KRTDAP: variants seen among roughly 807,000 people sequenced by gnomAD.
The protein encoded by KRTDAP is keratinocyte differentiation associated protein, also known as keratinocyte differentiation-associated protein.
In KRTDAP, 14 loss-of-function variants were observed where a neutral mutation model predicts 18.6. The ratio of observed to expected loss-of-function variants is 0.75; its 90% confidence interval spans 0.50 to 1.18. The LOEUF (loss-of-function observed/expected upper bound fraction) is 1.18, where lower values mean the gene tolerates loss of function less well. KRTDAP is among the 50% of genes most tolerant of loss of function. The pLI, the probability that KRTDAP is intolerant of heterozygous loss-of-function variation, is 0.00. For missense variants in KRTDAP, 114 were observed against 121.3 expected, an observed-to-expected ratio of 0.94 and a Z score of 0.28; for synonymous variants, 53 against 49.5, an observed-to-expected ratio of 1.07 and a Z score of -0.29.
At chr19:35,487,670 T>C (rs758549648) in intron 5 of KRTDAP, 42 bp downstream of exon 5, 10 of 1,542,476 alleles carry the variant, frequency 6.5e-6, no homozygotes, top group Non-Finnish European at 9.0e-6. Flanking sequence ...CTTCTTCCCT[T>C]ACCCCCAAGC....
intron 5 of KRTDAP, 90 bp from the exon 6 acceptor site, chr19:35,487,556 G>A (rs17638216): frequency 0.2 from 260,033 of 1,289,704 alleles, 28,776 homozygotes; most frequent in Non-Finnish European, 0.23. Flanking sequence ...GCCTCGGTGT[G>A]AGTTCCCGTT....
rs369849415 is a variant in KRTDAP, at chr19:35,488,686, G to A, written c.144C>T (p.Phe48=). 9.7e-5 allele frequency: 157 copies of A among 1,614,094 alleles called. No individual in the cohort carries two copies. The highest frequency in any genetic ancestry group is 1.6e-4 in the Middle Eastern group (1 of 6,084). Reference sequence around the variant, plus strand: ...CAGATCGCAATTTGTCGATGTTCAGGAACGGGGTGTTAAAGGCCTAGGCAG... The same window carrying A: ...CAGATCGCAATTTGTCGATGTTCAGAAACGGGGTGTTAAAGGCCTAGGCAG... ...ASRPEAFNTP[F]LNIDKLRSAF... Residue 48 remains phenylalanine, a synonymous_variant, in exon 3 of 6, where the codon TTC becomes TTT. Transcript: ENST00000338897.
Position 35,487,338 on chromosome 19 carries a change from T to G in KRTDAP, c.*90A>C. 2.4e-6 allele frequency: 3 copies of G among 1,228,544 alleles called. No homozygotes were observed. Among genetic ancestry groups the G allele is most frequent in the East Asian group, 4.6e-5 (2 of 43,136 alleles). 76.1% of individuals were successfully genotyped at this position (1,228,544 alleles called of 1,614,324 possible). A position where few individuals can be genotyped will look rare whatever the true frequency, so the allele number is the denominator to read the frequency against. The stretch of plus-strand genomic sequence containing the variant: ...GATACAGGAGCTGTTGGATGGAAAA[T>G]GTTTTATTGGAGTTCCTGAGGCAGG... On this transcript the variant is annotated 3_prime_UTR_variant, in exon 6 of 6. Coordinates refer to ENST00000338897, the MANE Select transcript of KRTDAP (RefSeq NM_207392.3).
intron 1 of KRTDAP, among the ~76,000 whole-genome samples, chr19:35,489,738 G>A (rs1299501624): frequency 6.6e-6 from 1 of 152,140 alleles, no homozygotes; most frequent in African/African-American, 2.4e-5. Flanking sequence ...GGATGGTAAA[G>A]ATTCTCACTG....
rs754363187 is a variant in KRTDAP at position 35,488,477 on chromosome 19, C to T, written c.177G>A (p.Lys59=). 2 of 1,613,430 alleles carry T rather than the reference C, an allele frequency of 1.2e-6. No individual in the cohort carries two copies. The highest frequency in any genetic ancestry group is 1.3e-5 in the African/African-American group (1 of 74,928). ...CGTGCCAGTTCAGGAACTCATCAGCCTTAAACGCCTGAGGAGGAAGAGAGA... is the reference window on the plus strand; with the variant it reads ...CGTGCCAGTTCAGGAACTCATCAGCTTTAAACGCCTGAGGAGGAAGAGAGA... The part of the protein sequence containing the change: ...LNIDKLRSAF[K]ADEFLNWHAL... Residue 59 remains lysine (K), a synonymous_variant, in exon 4 of 6, where the codon AAG becomes AAA. Transcript: ENST00000338897.
chr19:35,487,443 A>G lies in KRTDAP; in HGVS notation c.285T>C (p.Thr95=). The stretch of plus-strand genomic sequence containing the variant: ...GAGGTCATGGTCACTGGGCATCAGG[A>G]GTTGCGCTCCTCAGTCCTTTCAGCT... ...FPKLKGLRSA[T]PDAQ The change falls in exon 6 of 6, where the codon ACT becomes ACC. Residue 95 remains threonine, a synonymous_variant. Coordinates refer to ENST00000338897, the MANE Select transcript of KRTDAP (RefSeq NM_207392.3). The G allele has an allele frequency of 6.2e-7, 1 of 1,614,108 alleles. No homozygotes were observed. Among genetic ancestry groups the G allele is most frequent in the Non-Finnish European group, 8.5e-7 (1 of 1,179,976 alleles).
In KRTDAP at chr19:35,487,611, A is replaced by C. The variant is rs151108120; in HGVS notation, c.261+101T>G. The C allele has an allele frequency of 6.6e-5, 80 of 1,207,174 alleles. No homozygotes were observed. In the African/African-American group the frequency reaches 1.1e-3, roughly 17 times the overall value. The allele number at this position is 1,207,174 out of a possible 1,614,324, so 74.8% of individuals were successfully genotyped here. A position where few individuals can be genotyped will look rare whatever the true frequency, so the allele number is the denominator to read the frequency against. On this transcript the variant is annotated intron_variant, in intron 5 of 5. Coordinates refer to ENST00000338897, the MANE Select transcript of KRTDAP (RefSeq NM_207392.3). ...TAAGACCTCCCTTCAGTTTGGTGAGAAGGCTGATCCTCCTTTCCCTGTCCC... is the reference window on the plus strand; with the variant it reads ...TAAGACCTCCCTTCAGTTTGGTGAGCAGGCTGATCCTCCTTTCCCTGTCCC...
intron 4 of KRTDAP, 147 bp downstream of exon 4, chr19:35,488,294 A>C: frequency 1.3e-6 from 1 of 796,910 alleles, no homozygotes; most frequent in Non-Finnish European, 2.0e-6. Flanking sequence ...TCTTCCGTTG[A>C]CAGCCCATTG....
chr19:35,490,080 T>C (rs1049383926), intron 1 of KRTDAP, among the ~76,000 whole-genome samples: 56 of 151,964 alleles, frequency 3.7e-4, no homozygotes, highest in Admixed American at 3.4e-3. Flanking sequence ...ATGGTGGAGA[T>C]AGTCTGAACC....
At chr19:35,489,060 T>G (rs1321821653) in intron 1 of KRTDAP, among the ~76,000 whole-genome samples, 1 of 152,192 alleles carries the variant, frequency 6.6e-6, no homozygotes, top group Non-Finnish European at 1.5e-5. Context: ...AGTGTCACCA[T>G]GGGCAGCAGG....
chr19:35,487,622 T>A lies in KRTDAP; in HGVS notation c.261+90A>T, dbSNP rs114823214. ...TTCAGTTTGGTGAGAAGGCTGATCC[T>A]CCTTTCCCTGTCCCCACTCTCTCTC... On this transcript the variant is annotated intron_variant, in intron 5 of 5. Coordinates refer to ENST00000338897, the MANE Select transcript of KRTDAP (RefSeq NM_207392.3). The A allele has an allele frequency of 5.9e-4, 748 of 1,259,470 alleles. 5 individuals carry two copies. The African/African-American group carries it at 0.01, about 17-fold the overall frequency. The allele number at this position is 1,259,470 out of a possible 1,614,324, so 78.0% of individuals were successfully genotyped here.
rs1240885695 is a variant in KRTDAP, at chr19:35,488,388, C to G, written c.213+53G>C. 3 of 1,585,494 alleles carry G rather than the reference C, an allele frequency of 1.9e-6. No individual in the cohort carries two copies. In the African/African-American group the frequency reaches 4.0e-5, roughly 21 times the overall value. On this transcript the variant is annotated intron_variant, in intron 4 of 5. Transcript: ENST00000338897. ...TTAAAGCCAAAATGTGTGGCCACTACCCTGGGATGACTGCAGACAACCGAG... is the reference window on the plus strand; with the variant it reads ...TTAAAGCCAAAATGTGTGGCCACTAGCCTGGGATGACTGCAGACAACCGAG...
chr19:35,488,253 G>A (rs1202666409), intron 4 of KRTDAP, among the ~76,000 whole-genome samples, 188 bp downstream of exon 4: 2 of 152,162 alleles, frequency 1.3e-5, no homozygotes, highest in Non-Finnish European at 1.5e-5. Context: ...AGGAAAACAC[G>A]GGTAGCCAGG....
At position 35,488,987 on chromosome 19, in the gene KRTDAP, C is replaced by T. The variant is rs1160312444; in HGVS notation, c.88-147G>A. 2.4e-5 allele frequency: 17 copies of T among 708,580 alleles called. No individual in the cohort carries two copies. The East Asian group carries it at 2.8e-4, about 12-fold the overall frequency. The allele number at this position is 708,580 out of a possible 1,614,324, so 43.9% of individuals were successfully genotyped here. Reference sequence around the variant, plus strand: ...TCCCCACCATGGTCTCCGTTCCAGTCGCGCACATGGTTGGCGGATGTGCAG... The same window carrying T: ...TCCCCACCATGGTCTCCGTTCCAGTTGCGCACATGGTTGGCGGATGTGCAG... On this transcript the variant is annotated intron_variant, in intron 1 of 5. Transcript: ENST00000338897.
At position 35,487,414 on chromosome 19, in the gene KRTDAP, A is replaced by C; in HGVS notation, c.*14T>G. 1 of 1,613,276 alleles carries C rather than the reference A, an allele frequency of 6.2e-7. No homozygotes were observed. Among genetic ancestry groups the C allele is most frequent in the Middle Eastern group, 1.7e-4 (1 of 6,056 alleles). ...AGCGCTCACGCTAGCCCCCTCTTCCAGTGGAGGTCATGGTCACTGGGCATC... is the reference window on the plus strand; with the variant it reads ...AGCGCTCACGCTAGCCCCCTCTTCCCGTGGAGGTCATGGTCACTGGGCATC... On this transcript the variant is annotated 3_prime_UTR_variant, in exon 6 of 6. Coordinates refer to ENST00000338897, the MANE Select transcript of KRTDAP (RefSeq NM_207392.3).
At chr19:35,489,135 T>A (rs560539103) in intron 1 of KRTDAP, among the ~76,000 whole-genome samples, 1 of 152,328 alleles carries the variant, frequency 6.6e-6, no homozygotes, top group Admixed American at 6.5e-5. Flanking sequence ...GCAGTTGACT[T>A]AAGTCTAAGA....
At chr19:35,488,897 C>T (rs960348460) in intron 1 of KRTDAP, 57 bp from the exon 2 acceptor site, 3 of 1,526,224 alleles carry the variant, frequency 2.0e-6, no homozygotes, top group Non-Finnish European at 2.7e-6. Flanking sequence ...AGGGCCCTTG[C>T]CCACATCCCT....
Position 35,488,495 on chromosome 19 carries a change from AAG to A in KRTDAP, c.169-12_169-11del, listed in dbSNP as rs1302421677. 2.5e-6 allele frequency: 4 copies of A among 1,613,740 alleles called. No homozygotes were observed. In the Admixed American group the frequency reaches 5.0e-5, roughly 20 times the overall value. On this transcript the variant is annotated splice_polypyrimidine_tract_variant and intron_variant, in intron 3 of 5. Transcript: ENST00000338897. ...CATCAGCCTTAAACGCCTGAGGAGG[AAG>A]AGAGACAGCAGAAGCAGGTCAGCTC... is the stretch of plus-strand genomic sequence containing the variant.
chr19:35,488,756 G>C (rs747230788), intron 2 of KRTDAP, 46 bp downstream of exon 2: 2 of 1,614,152 alleles, frequency 1.2e-6, no homozygotes, highest in South Asian at 2.2e-5. Context: ...AAAAGAGAGA[G>C]AGGACAGACT....
Sources: gnomAD v4.1 joint callset for allele counts (sites outside exome capture counted in the v4.1 genomes callset) on GRCh38, gnomAD v4.1.1 for gene constraint, MANE v1.5 for transcripts, NCBI Gene and HGNC (gene_info 2026-07-23, HGNC 2026-07-21) for gene names.